SIPA1L3: variants seen among roughly 807,000 people sequenced by gnomAD.
SIPA1L3 encodes the protein signal-induced proliferation-associated 1-like protein 3.
SIPA1L3 carries 59 observed loss-of-function variants against 150.1 expected under a neutral mutation model. The ratio of observed to expected loss-of-function variants is 0.39; its 90% CI spans 0.32 to 0.49. SIPA1L3 has a LOEUF of 0.49. Ranked by LOEUF, SIPA1L3 falls within the 20% of genes least tolerant of loss-of-function variation. SIPA1L3 has a pLI of 0.86. For synonymous variants in SIPA1L3, 1,070 were observed against 1,077.6 expected (o/e 0.99, Z 0.14); for missense variants, 2,211 against 2,489.5 (o/e 0.89, Z 2.38).
rs1175309814 is a variant in SIPA1L3 at position 38,134,403 on chromosome 19, C to CA, written c.3143+3655dup. 9.7e-3 allele frequency among the ~76,000 whole-genome samples: 618 copies of CA among 63,842 alleles called. 9 individuals carry two copies. The highest frequency in any genetic ancestry group is 0.011 in the Non-Finnish European group (383 of 34,352). The allele number at this position is 63,842 out of a possible 152,430, so 41.9% of individuals were successfully genotyped here. Reference sequence around the variant, plus strand: ...TCACACCACTGCACTCAAGCTTTCTCAAAAAAAAAAAAAAAAAAAAAAAAG... The same window carrying CA: ...TCACACCACTGCACTCAAGCTTTCTCAAAAAAAAAAAAAAAAAAAAAAAAAG... On this transcript the variant is annotated intron_variant, in intron 10 of 21. Coordinates refer to ENST00000222345, the MANE Select transcript of SIPA1L3 (RefSeq NM_015073.3).
At chr19:38,087,331 T>C (rs1296984282) in intron 3 of SIPA1L3, among the ~76,000 whole-genome samples, 1 of 152,224 alleles carries the variant, frequency 6.6e-6, no homozygotes, top group African/African-American at 2.4e-5. Flanking sequence ...GTTTATTCCA[T>C]TCTCTGATCA....
At chr19:37,931,490 T>C (rs1168429132) in intron 1 of SIPA1L3, among the ~76,000 whole-genome samples, 1 of 152,184 alleles carries the variant, frequency 6.6e-6, no homozygotes, top group Non-Finnish European at 1.5e-5. Flanking sequence ...CTCATGCCTG[T>C]AATCCCAGCA....
intron 1 of SIPA1L3, among the ~76,000 whole-genome samples, chr19:37,966,485 C>A (rs1480644124): frequency 6.6e-6 from 1 of 152,128 alleles, no homozygotes; most frequent in East Asian, 1.9e-4. Context: ...GAGTCCTGAT[C>A]TGGGATCCAG....
Position 38,130,646 on chromosome 19 carries a change from G to T in SIPA1L3, c.3017G>T (p.Arg1006Leu), listed in dbSNP as rs148319557. The T allele has an allele frequency of 6.2e-6, 10 of 1,613,622 alleles. No homozygotes were observed. Among genetic ancestry groups the T allele is most frequent in the Non-Finnish European group, 8.5e-6 (10 of 1,180,046 alleles). The change falls in exon 10 of 22, where the codon CGA becomes CTA. Residue 1006 changes from arginine (R) to leucine (L), a missense_variant. By Grantham distance (102) the Arg-to-Leu change is moderately radical. Around this residue, in one of 5 missense-constraint regions of SIPA1L3, gnomAD observed 625 missense variants for 804.2 expected, o/e 0.78. Transcript: ENST00000222345. The part of the protein sequence containing the change: ...AWQAGLRQGS[R>L]LVEICKVAVV... ...CAGGCCGGCCTCCGGCAGGGCAGCCGACTAGTGGAGATCTGCAAGGTGGCC... is the reference window on the plus strand; with the variant it reads ...CAGGCCGGCCTCCGGCAGGGCAGCCTACTAGTGGAGATCTGCAAGGTGGCC...
intron 1 of SIPA1L3, among the ~76,000 whole-genome samples, chr19:37,925,836 C>T (rs990071565): frequency 6.6e-6 from 1 of 152,138 alleles, no homozygotes; most frequent in African/African-American, 2.4e-5. Context: ...TCGTGATCCA[C>T]CCTCCTTGGC....
In SIPA1L3 at chr19:37,916,730, C is replaced by T. The variant is rs923728168; in HGVS notation, c.-379+9372C>T. 2.6e-5 allele frequency among the ~76,000 whole-genome samples: 4 copies of T among 152,112 alleles called. No individual in the cohort carries two copies. In the East Asian group the frequency reaches 7.7e-4, roughly 29 times the overall value. On this transcript the variant is annotated intron_variant, in intron 1 of 21. Coordinates refer to ENST00000222345, the MANE Select transcript of SIPA1L3 (RefSeq NM_015073.3). ...ATCCCAGCACTTTGGGAGGCTGACG[C>T]GGGTGGATCACTTGAGTTCAGGAGT...
chr19:38,092,349 C>G (rs1411826339), intron 4 of SIPA1L3, among the ~76,000 whole-genome samples: 2 of 151,790 alleles, frequency 1.3e-5, no homozygotes, highest in African/African-American at 2.4e-5. Context: ...CACATGTACC[C>G]TAGAACTTAA....
In SIPA1L3 at chr19:38,119,719, T is replaced by C. The variant is rs760725873; in HGVS notation, c.2705T>C (p.Leu902Ser). 1 of 1,614,066 alleles carries C rather than the reference T, an allele frequency of 6.2e-7. No homozygotes were observed. The highest frequency in any genetic ancestry group is 2.2e-5 in the East Asian group (1 of 44,902). The change falls in exon 9 of 22, where the codon TTA (leucine) becomes TCA (serine). Residue 902 changes from leucine (L) to serine (S), a missense_variant. Transcript: ENST00000222345. ...ISNEFVVLLDLRTKEVVFNCY... is the reference protein window; with the variant it reads ...ISNEFVVLLDSRTKEVVFNCY... ...AATGAGTTTGTGGTGCTCCTGGACT[T>C]ACGCACCAAGGAGGTGGTGTTCAAC...
At chr19:38,110,198 TC>T (rs745582760) in intron 7 of SIPA1L3, 28 bp from the exon 8 acceptor site, 2 of 1,610,976 alleles carry the variant, frequency 1.2e-6, no homozygotes, top group Non-Finnish European at 1.7e-6. Flanking sequence ...TGTGACAGGT[TC>T]CTGTCCCCCT....
intron 1 of SIPA1L3, among the ~76,000 whole-genome samples, chr19:37,944,655 G>A (rs1021013693): frequency 1.1e-4 from 16 of 152,104 alleles, no homozygotes; most frequent in Admixed American, 9.2e-4. Context: ...CCTGTTATAC[G>A]CTGAAATTAC....
chr19:38,086,819 C>T (rs973510916), intron 3 of SIPA1L3, among the ~76,000 whole-genome samples: 3 of 152,166 alleles, frequency 2.0e-5, no homozygotes, highest in Non-Finnish European at 4.4e-5. Context: ...CTGAATACAG[C>T]GTAGTCAAGT....
intron 1 of SIPA1L3, among the ~76,000 whole-genome samples, chr19:38,017,009 A>C (rs1394285449): frequency 2.3e-5 from 3 of 132,820 alleles, no homozygotes; most frequent in East Asian, 4.8e-4. Context: ...CAATTCTCCC[A>C]CCTCAGCCTC....
intron 7 of SIPA1L3, among the ~76,000 whole-genome samples, chr19:38,107,935 C>T (rs1970657806): frequency 1.3e-5 from 2 of 151,976 alleles, no homozygotes; most frequent in Admixed American, 1.3e-4. Flanking sequence ...TGAGATCATG[C>T]CATTGCACTC....
At chr19:37,973,988 G>T (rs1432705121) in intron 1 of SIPA1L3, among the ~76,000 whole-genome samples, 1 of 152,146 alleles carries the variant, frequency 6.6e-6, no homozygotes. Context: ...GGCAGCTCAG[G>T]CCTCCGGCAG....
At chr19:38,200,608 G>A (rs1393851664) in intron 19 of SIPA1L3, 1 of 152,184 alleles carries the variant, frequency 6.6e-6, no homozygotes, top group Non-Finnish European at 1.5e-5. Flanking sequence ...CAGAGAATCG[G>A]AGAACATTTG....
At chr19:38,041,593 TTTTTG>T (rs918886552) in intron 2 of SIPA1L3, among the ~76,000 whole-genome samples, 3 of 148,034 alleles carry the variant, frequency 2.0e-5, no homozygotes, top group African/African-American at 5.0e-5. Flanking sequence ...AATTTTTGTA[TTTTTG>T]TTTTGTTTTG....
intron 1 of SIPA1L3, among the ~76,000 whole-genome samples, chr19:37,973,555 G>A (rs10406958): frequency 0.056 from 2,397 of 42,680 alleles, 187 homozygotes; most frequent in Middle Eastern, 0.074. Context: ...AAAAAAAAAA[G>A]CGGGAGGGGG....
chr19:38,096,110 C>T (rs1970374895), intron 4 of SIPA1L3, among the ~76,000 whole-genome samples: 1 of 152,184 alleles, frequency 6.6e-6, no homozygotes, highest in Non-Finnish European at 1.5e-5. Context: ...TCCTTCCACA[C>T]ATGCCTCTCG....
Position 38,082,148 on chromosome 19 carries a change from G to T in SIPA1L3, c.583G>T (p.Ala195Ser). The T allele has an allele frequency of 6.2e-7, 1 of 1,606,074 alleles. No homozygotes were observed. Among genetic ancestry groups the T allele is most frequent in the Non-Finnish European group, 8.5e-7 (1 of 1,179,520 alleles). The change falls in exon 3 of 22, where the codon GCG becomes TCG. Residue 195 changes from alanine to serine, a missense_variant. Transcript: ENST00000222345. ...GEPRGARHTGALPLFREYGST... is the reference protein window; with the variant it reads ...GEPRGARHTGSLPLFREYGST... ...GCCGCGGGGGGCCCGGCACACGGGGGCGCTGCCCCTCTTCCGCGAGTACGG... is the reference window on the plus strand; with the variant it reads ...GCCGCGGGGGGCCCGGCACACGGGGTCGCTGCCCCTCTTCCGCGAGTACGG...
Sources: allele counts gnomAD v4.1 joint callset (sites outside exome capture counted in the v4.1 genomes callset), GRCh38; gene constraint gnomAD v4.1.1; regional missense constraint gnomAD v4.1.1; transcripts MANE v1.5; gene names NCBI Gene and HGNC (gene_info 2026-07-23, HGNC 2026-07-21).